Variants in DCP2 observed in about 807,000 individuals in gnomAD.
DCP2 encodes the protein m7GpppN-mRNA hydrolase.
A neutral mutation model predicts 56.1 loss-of-function variants in DCP2; 30 were observed. The ratio of observed to expected loss-of-function variants is 0.53; its 90% confidence interval spans 0.40 to 0.73. DCP2 has a LOEUF of 0.73. Ranked by LOEUF, DCP2 falls within the 30% of genes least tolerant of loss-of-function variation. DCP2 has a pLI of 0.00. For missense variants in DCP2, 533 were observed against 502.7 expected, an observed-to-expected ratio of 1.06 and a Z score of -0.58; for synonymous variants, 197 against 163.3, an observed-to-expected ratio of 1.21 and a Z score of -1.57.
At chr5:112,985,103 A>G (rs577567214) in intron 1 of DCP2, among the ~76,000 whole-genome samples, 1 of 152,296 alleles carries the variant, frequency 6.6e-6, no homozygotes, top group Non-Finnish European at 1.5e-5. Flanking sequence ...TTAACATTGG[A>G]AAAAATAAGT....
chr5:112,997,918 G>C (rs941473313), intron 4 of DCP2, among the ~76,000 whole-genome samples: 2 of 151,724 alleles, frequency 1.3e-5, no homozygotes, highest in Non-Finnish European at 2.9e-5. Flanking sequence ...TGGCCCTTTG[G>C]GTAACACTTT....
chr5:112,982,818 C>T (rs1748074234), intron 1 of DCP2, among the ~76,000 whole-genome samples: 1 of 152,198 alleles, frequency 6.6e-6, no homozygotes, highest in South Asian at 2.1e-4. Context: ...TCTTCAGCGT[C>T]AGTTAAAAAA....
intron 8 of DCP2, among the ~76,000 whole-genome samples, chr5:113,006,029 GGT>G (rs1316800677): frequency 6.6e-6 from 1 of 151,574 alleles, no homozygotes; most frequent in African/African-American, 2.4e-5. Flanking sequence ...AGGAGGCTGA[GGT>G]GGGAAAATCA....
At chr5:112,999,237 T>G (rs1007016172) in intron 4 of DCP2, among the ~76,000 whole-genome samples, 7 of 152,256 alleles carry the variant, frequency 4.6e-5, no homozygotes, top group African/African-American at 1.7e-4. Flanking sequence ...TTATTTCTGA[T>G]TTTTGAGGCA....
chr5:113,006,344 A>AT lies in DCP2; in HGVS notation c.943-1593dup, dbSNP rs1249165442. 2.6e-4 allele frequency among the ~76,000 whole-genome samples: 40 copies of AT among 152,258 alleles called. 1 individual carries two copies. Among genetic ancestry groups the AT allele is most frequent in the South Asian group, 2.5e-3 (12 of 4,822 alleles). On this transcript the variant is annotated intron_variant, in intron 8 of 10. Coordinates refer to ENST00000389063, the MANE Select transcript of DCP2 (RefSeq NM_152624.6). ...ATTGGTTGCAGAGTTTTTGTTTGGG[A>AT]TGATAAAAGTTGGGGAAGTGGGTAG...
chr5:112,993,754 C>T (rs1748708103), intron 4 of DCP2, among the ~76,000 whole-genome samples: 2 of 151,888 alleles, frequency 1.3e-5, no homozygotes, highest in Non-Finnish European at 2.9e-5. Context: ...GCTTAAATCC[C>T]TTTTCCCTGA....
intron 1 of DCP2, among the ~76,000 whole-genome samples, chr5:112,980,553 A>C (rs148829861): frequency 6.6e-6 from 1 of 150,756 alleles, no homozygotes; most frequent in East Asian, 1.9e-4. Context: ...TACTATATAC[A>C]CGTCCATACA....
At chr5:112,998,326 C>T (rs1202189151) in intron 4 of DCP2, among the ~76,000 whole-genome samples, 4 of 152,108 alleles carry the variant, frequency 2.6e-5, no homozygotes, top group Admixed American at 6.5e-5. Context: ...GTTTGGCAAA[C>T]TCCTATTTAT....
intron 1 of DCP2, among the ~76,000 whole-genome samples, chr5:112,981,132 C>T (rs879499883): frequency 1.3e-5 from 2 of 152,024 alleles, no homozygotes; most frequent in Non-Finnish European, 2.9e-5. Flanking sequence ...GCTCAGCCTC[C>T]TGAGTAGCTA....
chr5:112,984,901 C>G (rs985005444), intron 1 of DCP2, among the ~76,000 whole-genome samples: 1 of 151,054 alleles, frequency 6.6e-6, no homozygotes, highest in Non-Finnish European at 1.5e-5. Flanking sequence ...AGAAGGGCCT[C>G]TTGTAATTGG....
chr5:112,977,101 C>A (rs1747745200), intron 1 of DCP2, 115 bp downstream of exon 1: 1 of 717,304 alleles, frequency 1.4e-6, no homozygotes, highest in Admixed American at 3.4e-5. Context: ...TTTCCGCTCC[C>A]GCCGCTGCTC....
rs189779911 is a variant in DCP2 at position 112,995,058 on chromosome 5, G to C, written c.432+2288G>C. On this transcript the variant is annotated intron_variant, in intron 4 of 10. Coordinates refer to ENST00000389063, the MANE Select transcript of DCP2 (RefSeq NM_152624.6). ...TAGTTAAAATTTTTACAAACTGCTG[G>C]TGGTGGTTTATTATAGAAAAACCAT... Among the ~76,000 whole-genome samples the C allele has an allele frequency of 7.2e-5, 11 of 152,298 alleles. No individual in the cohort carries two copies. The East Asian group carries it at 1.9e-3, about 27-fold the overall frequency.
intron 1 of DCP2, among the ~76,000 whole-genome samples, chr5:112,981,800 C>G (rs933836742): frequency 2.0e-5 from 3 of 152,184 alleles, no homozygotes; most frequent in Non-Finnish European, 4.4e-5. Flanking sequence ...GAGACGGAGT[C>G]TTGCTCGTTT....
At chr5:113,000,490 A>G (rs1749126938) in intron 4 of DCP2, among the ~76,000 whole-genome samples, 2 of 152,174 alleles carry the variant, frequency 1.3e-5, no homozygotes, top group African/African-American at 4.8e-5. Context: ...AGACAGTTGC[A>G]CATATTGATA....
At chr5:112,982,960 G>T (rs1295065340) in intron 1 of DCP2, among the ~76,000 whole-genome samples, 2 of 152,106 alleles carry the variant, frequency 1.3e-5, no homozygotes, top group East Asian at 3.9e-4. Flanking sequence ...TAGGGAGCTG[G>T]CTCTTACACT....
intron 4 of DCP2, among the ~76,000 whole-genome samples, chr5:112,997,821 G>T (rs1748937217): frequency 6.6e-6 from 1 of 151,926 alleles, no homozygotes; most frequent in Non-Finnish European, 1.5e-5. Flanking sequence ...CACTATGTTG[G>T]CCAGGCTGGT....
At chr5:112,993,398 G>T (rs538613162) in intron 4 of DCP2, among the ~76,000 whole-genome samples, 8 of 152,174 alleles carry the variant, frequency 5.3e-5, no homozygotes, top group African/African-American at 1.7e-4. Context: ...GCCGAGTCAG[G>T]CGGATCACCT....
At chr5:113,005,151 G>GGTGTGTGGGTGTGTGTGTGT (rs70973659) in intron 8 of DCP2, among the ~76,000 whole-genome samples, 12 of 149,522 alleles carry the variant, frequency 8.0e-5, no homozygotes, top group Middle Eastern at 3.4e-3. Flanking sequence ...TGTGCGTGTG[G>GGTGTGTGGGTGTGTGTGTGT]GTGTGTGTGT....
chr5:112,994,451 C>T lies in DCP2; in HGVS notation c.432+1681C>T, dbSNP rs570644657. On this transcript the variant is annotated intron_variant, in intron 4 of 10. Coordinates refer to ENST00000389063, the MANE Select transcript of DCP2 (RefSeq NM_152624.6). ...CTTCCCAAAGTGCTGGGATTACAGG[C>T]GTGAGCCACTGTGCCCAGCCTTCAT... Among the ~76,000 whole-genome samples, 3 of 152,204 alleles carry T rather than the reference C, an allele frequency of 2.0e-5. No individual in the cohort carries two copies. The East Asian group carries it at 5.8e-4, about 29-fold the overall frequency.
Sources: allele counts gnomAD v4.1 joint callset (sites outside exome capture counted in the v4.1 genomes callset), GRCh38; gene constraint gnomAD v4.1.1; transcripts MANE v1.5; gene names NCBI Gene and HGNC (gene_info 2026-07-23, HGNC 2026-07-21).